TMEM67: variants seen among roughly 807,000 people sequenced by gnomAD.
TMEM67 encodes meckelin.
In TMEM67, 124 loss-of-function variants were observed where a neutral mutation model predicts 136.6. The observed-to-expected ratio is 0.91, with a 90% CI of 0.78 to 1.05. TMEM67 has a LOEUF of 1.05. TMEM67 is among the 50% of genes least tolerant of loss of function. TMEM67 has a pLI of 0.00. For synonymous variants in TMEM67, 364 were observed against 390.5 expected (o/e 0.93, Z 0.80); for missense variants, 1,107 against 1,178.4 (o/e 0.94, Z 0.89).
intron 3 of TMEM67, among the ~76,000 whole-genome samples, chr8:93,760,907 T>C (rs1013700509): frequency 2.0e-5 from 3 of 152,106 alleles, no homozygotes; most frequent in African/African-American, 7.2e-5. Flanking sequence ...AAAGTTCACA[T>C]AGAAAAAAAT....
rs1462385236 is a variant in TMEM67, at chr8:93,754,992, T to TCTGTTGTTCCTC, written c.80_91dup (p.Leu27_Leu30dup). 1 of 1,614,224 alleles carries TCTGTTGTTCCTC rather than the reference T, an allele frequency of 6.2e-7. No individual in the cohort carries two copies. The highest frequency in any genetic ancestry group is 2.2e-5 in the East Asian group (1 of 44,886). On this transcript the variant is annotated inframe_insertion, in exon 1 of 28. Coordinates refer to ENST00000453321, the MANE Select transcript of TMEM67 (RefSeq NM_153704.6). Reference sequence around the variant, plus strand: ...CCGCCCGGGCCGTGACCGCGTTCCTTCTGTTGTTCCTCCCTCGCTTCTTAC... The same window carrying TCTGTTGTTCCTC: ...CCGCCCGGGCCGTGACCGCGTTCCTTCTGTTGTTCCTCCTGTTGTTCCTCCCTCGCTTCTTAC...
chr8:93,763,092 T>C (rs1047018085), intron 3 of TMEM67: 3 of 194,684 alleles, frequency 1.5e-5, no homozygotes, highest in African/African-American at 1.5e-4. Flanking sequence ...CCAGCTAATT[T>C]TGTATTTTTT....
intron 7 of TMEM67, among the ~76,000 whole-genome samples, chr8:93,779,073 A>AAAG (rs1813689181): frequency 6.6e-6 from 1 of 152,026 alleles, no homozygotes; most frequent in African/African-American, 2.4e-5. Context: ...TTTTTTCTCT[A>AAAG]ACCTTGTCGT....
chr8:93,815,523 CA>C, intron 27 of TMEM67, 76 bp downstream of exon 27: 1 of 1,322,644 alleles, frequency 7.6e-7, no homozygotes, highest in South Asian at 1.2e-5. Context: ...ATTTTCATAG[CA>C]GAGAGTAACA....
intron 2 of TMEM67, among the ~76,000 whole-genome samples, chr8:93,757,496 C>T (rs1269586306): frequency 5.9e-5 from 9 of 151,304 alleles, no homozygotes; most frequent in African/African-American, 1.7e-4. Context: ...ATTAGCTGGA[C>T]GTGGTGGCAC....
At chr8:93,803,538 C>A in intron 21 of TMEM67, 66 bp from the exon 22 acceptor site, 2 of 1,048,458 alleles carry the variant, frequency 1.9e-6, no homozygotes, top group Non-Finnish European at 3.0e-6. Context: ...AGATGCTACA[C>A]TGTGGCTGTA....
At chr8:93,765,538 A>G in intron 5 of TMEM67, 34 bp from the exon 6 acceptor site, 2 of 1,601,314 alleles carry the variant, frequency 1.2e-6, no homozygotes, top group Non-Finnish European at 1.7e-6. Flanking sequence ...GCCTTTTCAT[A>G]AGCTTCTATT....
At chr8:93,806,416 A>G (rs1437507651) in intron 23 of TMEM67, among the ~76,000 whole-genome samples, 6 of 152,174 alleles carry the variant, frequency 3.9e-5, no homozygotes, top group African/African-American at 1.4e-4. Flanking sequence ...ATGAAATGAC[A>G]TGGTCTGGGT....
At chr8:93,788,252 T>C (rs941690456) in intron 14 of TMEM67, among the ~76,000 whole-genome samples, 2 of 152,144 alleles carry the variant, frequency 1.3e-5, no homozygotes, top group African/African-American at 4.8e-5. Flanking sequence ...CCTGTTCTTT[T>C]TGGCCACCTT....
intron 6 of TMEM67, among the ~76,000 whole-genome samples, chr8:93,766,535 C>T (rs1813091012): frequency 6.6e-6 from 1 of 152,106 alleles, no homozygotes; most frequent in Non-Finnish European, 1.5e-5. Flanking sequence ...TGAATTGGAA[C>T]TAAAGAGGTA....
At chr8:93,823,808 C>G (rs1809073845), downstream of TMEM67, among the ~76,000 whole-genome samples, 5 of 151,754 alleles carry the variant, frequency 3.3e-5, no homozygotes, top group South Asian at 1.0e-3. Context: ...TTCAGTTTTT[C>G]CCATTACAGC....
intron 3 of TMEM67, chr8:93,762,000 A>G (rs552329046): frequency 6.6e-6 from 1 of 152,330 alleles, no homozygotes; most frequent in South Asian, 2.1e-4. Context: ...CACGCCTGTA[A>G]TCGCAGCACT....
chr8:93,811,916 G>A (rs767065592), intron 26 of TMEM67, among the ~76,000 whole-genome samples: 5 of 151,834 alleles, frequency 3.3e-5, no homozygotes, highest in African/African-American at 1.2e-4. Context: ...TTGGGAGGCC[G>A]AGGCAGGTGG....
chr8:93,826,803 T>C, the TMEM67 span, among the ~76,000 whole-genome samples: 1 of 152,086 alleles, frequency 6.6e-6, no homozygotes, highest in Non-Finnish European at 1.5e-5. Context: ...TCCTAAAATT[T>C]AGTTTTATAT....
intron 26 of TMEM67, among the ~76,000 whole-genome samples, chr8:93,812,670 T>G (rs750863775): frequency 3.3e-5 from 5 of 152,234 alleles, no homozygotes; most frequent in Non-Finnish European, 7.3e-5. Flanking sequence ...TTATTATGTG[T>G]TAATATAAAG....
chr8:93,803,907 C>T (rs1814983335), intron 22 of TMEM67, among the ~76,000 whole-genome samples: 2 of 147,988 alleles, frequency 1.4e-5, no homozygotes, highest in Admixed American at 6.8e-5. Context: ...AACGGTCTTG[C>T]TCCATCACCC....
chr8:93,823,453 G>A (rs1239371149), downstream of TMEM67, among the ~76,000 whole-genome samples: 7 of 151,476 alleles, frequency 4.6e-5, no homozygotes, highest in East Asian at 9.7e-4. Flanking sequence ...GCGTTATTTT[G>A]CCTAATATAG....
intron 2 of TMEM67, chr8:93,757,115 A>G (rs1812609704): frequency 6.6e-6 from 1 of 151,228 alleles, no homozygotes; most frequent in Non-Finnish European, 1.5e-5. Flanking sequence ...AAATAAATAA[A>G]TAAATAAATA....
chr8:93,793,129 T>C, intron 15 of TMEM67, 69 bp from the exon 16 acceptor site: 1 of 1,414,246 alleles, frequency 7.1e-7, no homozygotes, highest in South Asian at 1.2e-5. Flanking sequence ...CTTCCTTACT[T>C]GTTCACAGTG....
Sources: gnomAD v4.1 joint callset for allele counts (sites outside exome capture counted in the v4.1 genomes callset) on GRCh38, gnomAD v4.1.1 for gene constraint, MANE v1.5 for transcripts, NCBI Gene and HGNC (gene_info 2026-07-23, HGNC 2026-07-21) for gene names.